The following NRG1 variants were observed in gnomAD, a reference collection of about 807,000 sequenced individuals.
The protein encoded by NRG1 is pro-neuregulin-1, membrane-bound isoform.
NRG1 carries 18 observed loss-of-function variants against 63.8 expected under a neutral mutation model. That is an observed-to-expected ratio of 0.28 (90% CI 0.19 to 0.42). NRG1 has a LOEUF of 0.42. Among genes scored for constraint, NRG1 ranks in the 10% least tolerant of loss-of-function variants. The pLI, the probability that NRG1 is intolerant of heterozygous loss-of-function variation, is 1.00. For synonymous variants in NRG1, 302 were observed against 301.3 expected, an observed-to-expected ratio of 1.00 and a Z score of -0.02; for missense variants, 762 against 814.7, an observed-to-expected ratio of 0.94 and a Z score of 0.79.
intron 1 of NRG1, among the ~76,000 whole-genome samples, chr8:32,000,316 T>G (rs887217821): frequency 3.9e-5 from 6 of 152,008 alleles, no homozygotes; most frequent in Non-Finnish European, 8.8e-5. Context: ...AGTGTCTCAG[T>G]GATGTGCCTT....
At chr8:31,915,673 A>G (rs1276625004) in intron 1 of NRG1, among the ~76,000 whole-genome samples, 1 of 152,078 alleles carries the variant, frequency 6.6e-6, no homozygotes, top group East Asian at 1.9e-4. Flanking sequence ...TGCTCATTTT[A>G]TATCCTTTAC....
chr8:32,270,791 T>C (rs1283389388), intron 1 of NRG1, among the ~76,000 whole-genome samples: 1 of 152,162 alleles, frequency 6.6e-6, no homozygotes, highest in Non-Finnish European at 1.5e-5. Flanking sequence ...ACCACAGAAA[T>C]TGGCAAAAAC....
At chr8:32,493,771 G>A (rs936337589) in intron 1 of NRG1, among the ~76,000 whole-genome samples, 1 of 152,192 alleles carries the variant, frequency 6.6e-6, no homozygotes, top group Non-Finnish European at 1.5e-5. Context: ...AAGTTGAAAG[G>A]ATGAACTTTG....
intron 3 of NRG1, among the ~76,000 whole-genome samples, chr8:32,609,402 G>A (rs549768856): frequency 6.6e-6 from 1 of 152,130 alleles, no homozygotes; most frequent in South Asian, 2.1e-4. Flanking sequence ...CAGGGCAGAC[G>A]TTGCACAGAA....
chr8:32,389,084 T>C (rs1007507488), intron 1 of NRG1, among the ~76,000 whole-genome samples: 1 of 152,228 alleles, frequency 6.6e-6, no homozygotes, highest in African/African-American at 2.4e-5. Flanking sequence ...CGTAATCTCT[T>C]TCTATCGCCA....
intron 5 of NRG1, among the ~76,000 whole-genome samples, chr8:32,713,905 A>G (rs913705624): frequency 5.9e-5 from 9 of 151,628 alleles, no homozygotes; most frequent in African/African-American, 2.2e-4. Context: ...GCTCACTGCA[A>G]CTTCTGCTTC....
chr8:32,741,272 AAT>A (rs1240417448), intron 6 of NRG1, among the ~76,000 whole-genome samples: 4 of 152,180 alleles, frequency 2.6e-5, no homozygotes, highest in Admixed American at 1.3e-4. Flanking sequence ...CAGTTTTAAA[AAT>A]AGTTTTTCCT....
intron 1 of NRG1, among the ~76,000 whole-genome samples, chr8:32,364,957 C>CTTTTTTTTTT (rs372216683): frequency 0.014 from 1,567 of 108,174 alleles, 95 homozygotes; most frequent in East Asian, 0.031. Flanking sequence ...CCCTTTACTA[C>CTTTTTTTTTT]TTTTTTTTTT....
At chr8:31,817,265 C>A (rs1823546592) in intron 1 of NRG1, among the ~76,000 whole-genome samples, 1 of 152,192 alleles carries the variant, frequency 6.6e-6, no homozygotes, top group African/African-American at 2.4e-5. Flanking sequence ...TGCTTTTGTT[C>A]CTCTCTGTCT....
intron 1 of NRG1, among the ~76,000 whole-genome samples, chr8:32,280,692 T>G (rs1282316310): frequency 4.0e-4 from 17 of 42,868 alleles, no homozygotes; most frequent in Non-Finnish European, 6.3e-4. Context: ...TTTTTTTTTG[T>G]TTTTTTTTTT....
intron 1 of NRG1, among the ~76,000 whole-genome samples, chr8:32,335,531 T>A (rs1229659680): frequency 6.6e-6 from 1 of 152,174 alleles, no homozygotes; most frequent in Non-Finnish European, 1.5e-5. Context: ...AATATAGTGT[T>A]AGGGGCCTGA....
At chr8:31,763,593 A>G (rs758988544) in intron 1 of NRG1, among the ~76,000 whole-genome samples, 5 of 152,230 alleles carry the variant, frequency 3.3e-5, no homozygotes, top group South Asian at 2.1e-4. Flanking sequence ...ATACTAAAGT[A>G]TGACTATTTG....
In NRG1 at chr8:32,742,560, G is replaced by A. The variant is rs561117624; in HGVS notation, c.633-115G>A. ...TCAGGGCAAAGATTCAGTTCCTGAG[G>A]GTGAACTCACCAAGTTTCAGTCAAA... On this transcript the variant is annotated intron_variant, in intron 6 of 11. Coordinates refer to ENST00000356819, the Ensembl canonical transcript of NRG1. The surrounding 1 kb of genome is among the most constrained non-coding windows in gnomAD (Gnocchi z 4.2). 3 of 909,620 alleles carry A rather than the reference G, an allele frequency of 3.3e-6. No homozygotes were observed. The highest frequency in any genetic ancestry group is 1.6e-5 in the African/African-American group (1 of 61,202). 56.3% of individuals were successfully genotyped at this position (909,620 alleles called of 1,614,324 possible). A position where few individuals can be genotyped will look rare whatever the true frequency, so the allele number is the denominator to read the frequency against.
intron 1 of NRG1, among the ~76,000 whole-genome samples, chr8:31,886,179 C>T (rs1249592513): frequency 3.3e-5 from 5 of 152,022 alleles, no homozygotes; most frequent in Admixed American, 3.3e-4. Flanking sequence ...ATTAATATAA[C>T]ATTGCTTGCT....
chr8:32,307,597 G>A (rs1856353461), intron 1 of NRG1, among the ~76,000 whole-genome samples: 1 of 110,910 alleles, frequency 9.0e-6, no homozygotes. Context: ...GTTTGTGTGT[G>A]TGTGTGTGTG....
In NRG1 at chr8:32,742,002, C is replaced by T; in HGVS notation, c.633-673C>T. 6.2e-7 allele frequency: 1 copy of T among 1,612,468 alleles called. No homozygotes were observed. The highest frequency in any genetic ancestry group is 8.5e-7 in the Non-Finnish European group (1 of 1,179,018). On this transcript the variant is annotated intron_variant, in intron 6 of 11. Coordinates refer to ENST00000356819, the Ensembl canonical transcript of NRG1. This position sits in a 1 kb window ranked among gnomAD's most constrained non-coding sequence, Gnocchi z 4.2. ...TTTTTTTGCTTACCACATTTTTGCC[C>T]TCTAGGTGCCAACCTGGATTCACTG...
At chr8:32,161,028 T>C (rs1361461656) in intron 1 of NRG1, among the ~76,000 whole-genome samples, 4 of 152,210 alleles carry the variant, frequency 2.6e-5, no homozygotes, top group Non-Finnish European at 5.9e-5. Flanking sequence ...AAGGTGATGC[T>C]CACTTTACAG....
chr8:32,513,404 T>G (rs1417419902), intron 1 of NRG1, among the ~76,000 whole-genome samples: 1 of 146,580 alleles, frequency 6.8e-6, no homozygotes, highest in African/African-American at 2.6e-5. Context: ...TTGCAACATT[T>G]AGCTCTTCCG....
chr8:32,014,827 T>C (rs1815269289), intron 1 of NRG1, among the ~76,000 whole-genome samples: 3 of 151,534 alleles, frequency 2.0e-5, no homozygotes, highest in Admixed American at 2.0e-4. Flanking sequence ...GATTAGGATA[T>C]ATCCTAATAC....
Sources: gnomAD v4.1 joint callset for allele counts (sites outside exome capture counted in the v4.1 genomes callset) on GRCh38, gnomAD v4.1.1 for gene constraint, Gnocchi (gnomAD v3.1) non-coding constraint, MANE v1.5 for transcripts, NCBI Gene and HGNC (gene_info 2026-07-23, HGNC 2026-07-21) for gene names.